The following ISM1 variants were observed in gnomAD, a reference collection of about 807,000 sequenced individuals.
ISM1 encodes isthmin 1.
ISM1 carries 25 observed loss-of-function variants against 46.3 expected under a neutral mutation model. That is an observed-to-expected ratio of 0.54 (90% confidence interval 0.39 to 0.75). ISM1 has a LOEUF of 0.75. Among genes scored for constraint, ISM1 ranks in the 30% least tolerant of loss-of-function variants. The pLI is 0.00. For missense variants in ISM1, 536 were observed against 625.4 expected (o/e 0.86, Z 1.52); for synonymous variants, 255 against 256.7 (o/e 0.99, Z 0.06).
At chr20:13,286,904 T>G (rs1229805525) in intron 3 of ISM1, among the ~76,000 whole-genome samples, 3 of 152,192 alleles carry the variant, frequency 2.0e-5, no homozygotes, top group African/African-American at 7.2e-5. Context: ...AGCTCCACGC[T>G]TGGCAGCAGC....
the ISM1 span, among the ~76,000 whole-genome samples, chr20:13,325,006 A>G: frequency 2.0e-5 from 3 of 152,218 alleles, no homozygotes; most frequent in South Asian, 2.1e-4. Context: ...CTGTTAGTGC[A>G]GCTATTTCTC....
the ISM1 span, among the ~76,000 whole-genome samples, chr20:13,312,076 T>C: frequency 6.6e-6 from 1 of 152,190 alleles, no homozygotes; most frequent in Non-Finnish European, 1.5e-5. Context: ...AATTAACTTT[T>C]TTAAAAGAAC....
chr20:13,271,105 C>T (rs1321702040), intron 2 of ISM1, among the ~76,000 whole-genome samples: 3 of 152,046 alleles, frequency 2.0e-5, no homozygotes, highest in Non-Finnish European at 4.4e-5. Flanking sequence ...GAAATGTGGC[C>T]GTTATAGGAA....
At chr20:13,245,429 T>C (rs1420823480) in intron 1 of ISM1, 1 of 152,218 alleles carries the variant, frequency 6.6e-6, no homozygotes, top group Non-Finnish European at 1.5e-5. Context: ...CTAATCTCAG[T>C]GACATTCCAT....
the ISM1 span, among the ~76,000 whole-genome samples, chr20:13,312,779 C>T: frequency 6.6e-6 from 1 of 152,198 alleles, no homozygotes; most frequent in South Asian, 2.1e-4. Flanking sequence ...ACAATTTTTA[C>T]AAATGAGGAC....
the ISM1 span, among the ~76,000 whole-genome samples, chr20:13,321,941 T>C: frequency 6.6e-6 from 1 of 152,186 alleles, no homozygotes; most frequent in East Asian, 1.9e-4. Flanking sequence ...CATGCCTTCG[T>C]TTCTTCATTG....
At chr20:13,263,403 G>C (rs549966459) in intron 1 of ISM1, among the ~76,000 whole-genome samples, 102 of 149,370 alleles carry the variant, frequency 6.8e-4, no homozygotes, top group Non-Finnish European at 1.3e-3. Flanking sequence ...CTAAGAACAA[G>C]TGTGCCCCTT....
At chr20:13,297,171 T>A (rs1251241405) in intron 5 of ISM1, among the ~76,000 whole-genome samples, 4 of 152,174 alleles carry the variant, frequency 2.6e-5, no homozygotes, top group African/African-American at 9.7e-5. Flanking sequence ...CTAAGTCCTA[T>A]GGGGAAAGGG....
intron 4 of ISM1, among the ~76,000 whole-genome samples, chr20:13,289,176 G>A (rs574219310): frequency 7.3e-4 from 111 of 152,308 alleles, no homozygotes; most frequent in Non-Finnish European, 1.4e-3. Flanking sequence ...TGCAGTGGCC[G>A]TGACCTAAAA....
intron 1 of ISM1, among the ~76,000 whole-genome samples, chr20:13,247,102 A>G (rs1400119649): frequency 6.6e-6 from 1 of 152,074 alleles, no homozygotes; most frequent in African/African-American, 2.4e-5. Flanking sequence ...GTGGTGGCAC[A>G]TGCTTGTAAT....
chr20:13,318,315 T>C, the ISM1 span, among the ~76,000 whole-genome samples: 3 of 152,080 alleles, frequency 2.0e-5, no homozygotes, highest in Non-Finnish European at 2.9e-5. Flanking sequence ...ATCCAAAACA[T>C]TGACAACATC....
rs975193577 is a variant in ISM1 at position 13,248,881 on chromosome 20, G to A, written c.139-21623G>A. Among the ~76,000 whole-genome samples, 3 of 152,186 alleles carry A rather than the reference G, an allele frequency of 2.0e-5. No individual in the cohort carries two copies. The East Asian group carries it at 5.8e-4, about 29-fold the overall frequency. On this transcript the variant is annotated intron_variant, in intron 1 of 5. Transcript: ENST00000262487. ...TTTGAATTAACATGAAGGGACAAAT[G>A]GAAAGCAAGGTGAAAGTATATGATG...
intron 1 of ISM1, among the ~76,000 whole-genome samples, chr20:13,230,172 C>G (rs2039573052): frequency 6.6e-6 from 1 of 152,178 alleles, no homozygotes; most frequent in East Asian, 1.9e-4. Flanking sequence ...AGCAAATAAT[C>G]TCAATAACAT....
chr20:13,284,155 G>C (rs1377703024), intron 3 of ISM1, among the ~76,000 whole-genome samples: 1 of 152,224 alleles, frequency 6.6e-6, no homozygotes, highest in Non-Finnish European at 1.5e-5. Flanking sequence ...AGGGCAGCTG[G>C]TTAAAGCAAG....
intron 1 of ISM1, among the ~76,000 whole-genome samples, chr20:13,257,068 C>T (rs2039937430): frequency 6.6e-6 from 1 of 152,108 alleles, no homozygotes; most frequent in Admixed American, 6.5e-5. Context: ...GTTTTTACCA[C>T]ACAGATGCTA....
At chr20:13,307,131 C>T in the ISM1 span, among the ~76,000 whole-genome samples, 1 of 152,182 alleles carries the variant, frequency 6.6e-6, no homozygotes, top group African/African-American at 2.4e-5. Flanking sequence ...TAACATCAAA[C>T]TCACTTTCTG....
chr20:13,291,985 A>G (rs1199145741), intron 4 of ISM1, among the ~76,000 whole-genome samples: 2 of 152,212 alleles, frequency 1.3e-5, no homozygotes, highest in Non-Finnish European at 2.9e-5. Context: ...GTGGCTAGTA[A>G]TGATTTCAAC....
downstream of ISM1, among the ~76,000 whole-genome samples, chr20:13,302,786 A>T (rs999828087): frequency 8.5e-5 from 13 of 152,172 alleles, no homozygotes; most frequent in Admixed American, 7.2e-4. Context: ...GCCACATCTG[A>T]ACACAACAGT....
intron 1 of ISM1, among the ~76,000 whole-genome samples, chr20:13,268,263 T>C (rs1482176401): frequency 6.6e-6 from 1 of 150,844 alleles, no homozygotes; most frequent in Non-Finnish European, 1.5e-5. Context: ...TCCTCTTCTC[T>C]TCTCTCTCGC....
Sources: gnomAD v4.1 joint callset for allele counts (sites outside exome capture counted in the v4.1 genomes callset) on GRCh38, gnomAD v4.1.1 for gene constraint, MANE v1.5 for transcripts, NCBI Gene and HGNC (gene_info 2026-07-23, HGNC 2026-07-21) for gene names.